Variants in LUZP1 observed in about 807,000 individuals in gnomAD.
LUZP1 encodes leucine zipper protein 1, also known as filamin mechanobinding actin cross-linking protein.
LUZP1 carries 25 observed loss-of-function variants against 71.3 expected under a neutral mutation model. That is an observed-to-expected ratio of 0.35 (90% CI 0.26 to 0.49). The LOEUF (loss-of-function observed/expected upper bound fraction) is 0.49. Among genes scored for constraint, LUZP1 ranks in the 20% least tolerant of loss-of-function variants. The pLI is 0.99. For missense variants in LUZP1, 1,142 were observed against 1,300.8 expected (o/e 0.88, Z 1.88); for synonymous variants, 481 against 506.4 (o/e 0.95, Z 0.67).
At chr1:23,138,763 G>A (rs979944786) in intron 2 of LUZP1, among the ~76,000 whole-genome samples, 11 of 150,160 alleles carry the variant, frequency 7.3e-5, no homozygotes, top group Non-Finnish European at 1.2e-4. Flanking sequence ...AGCACTTTGG[G>A]AGACTGAGTT....
chr1:23,112,625 T>G (rs1281905583), intron 2 of LUZP1, among the ~76,000 whole-genome samples: 1 of 152,184 alleles, frequency 6.6e-6, no homozygotes. Flanking sequence ...AAAAACTATC[T>G]GAAGTGAACA....
At chr1:23,115,050 T>C (rs1478940192) in intron 2 of LUZP1, among the ~76,000 whole-genome samples, 1 of 152,252 alleles carries the variant, frequency 6.6e-6, no homozygotes, top group Non-Finnish European at 1.5e-5. Flanking sequence ...GAGTACCTCA[T>C]GTTATATAAA....
At chr1:23,091,986 A>C (rs753517977) in exon 4 of LUZP1, 1 of 1,614,156 alleles carries the variant, frequency 6.2e-7, no homozygotes. Flanking sequence ...ATCAACAATA[A>C]CAGGTTTGAT....
chr1:23,089,601 CT>C, intron 4 of LUZP1, among the ~76,000 whole-genome samples: 1 of 150,916 alleles, frequency 6.6e-6, no homozygotes, highest in East Asian at 2.0e-4. Context: ...AGAATTCTAC[CT>C]TTTTTTTTGA....
chr1:23,109,572 G>A (rs1367225536), intron 2 of LUZP1: 1 of 152,182 alleles, frequency 6.6e-6, no homozygotes, highest in Admixed American at 6.5e-5. Flanking sequence ...TCCACAAGTG[G>A]AAAATTCCAT....
chr1:23,118,394 T>C (rs1644103386), intron 2 of LUZP1, among the ~76,000 whole-genome samples: 1 of 151,998 alleles, frequency 6.6e-6, no homozygotes, highest in African/African-American at 2.4e-5. Flanking sequence ...CAAGACTCCA[T>C]CTCAAAAAAA....
chr1:23,161,488 A>G (rs2148205623), intron 2 of LUZP1, among the ~76,000 whole-genome samples: 1 of 152,336 alleles, frequency 6.6e-6, no homozygotes, highest in Middle Eastern at 3.4e-3. Context: ...AAATAAGGCC[A>G]GTGGCTCATG....
chr1:23,099,898 G>A (rs756776774), intron 3 of LUZP1, among the ~76,000 whole-genome samples: 35 of 152,180 alleles, frequency 2.3e-4, no homozygotes, highest in African/African-American at 4.8e-4. Flanking sequence ...ATGTGGCCCC[G>A]CCAGCCTCTT....
At chr1:23,166,932 C>A (rs938280168) in intron 2 of LUZP1, among the ~76,000 whole-genome samples, 6 of 152,178 alleles carry the variant, frequency 3.9e-5, no homozygotes, top group Admixed American at 1.3e-4. Flanking sequence ...TCCCAGCTCA[C>A]TATTTCCAGC....
chr1:23,131,911 C>T (rs1243312352), intron 2 of LUZP1, among the ~76,000 whole-genome samples: 2 of 152,192 alleles, frequency 1.3e-5, no homozygotes, highest in Admixed American at 6.5e-5. Flanking sequence ...GTCTCGAACT[C>T]CTGACCTCAG....
rs780937992 is a variant in LUZP1, at chr1:23,092,273, C to G, written c.1989G>C (p.Leu663Phe). The change falls in exon 4 of 5, where the codon TTG becomes TTC. Residue 663 changes from leucine to phenylalanine, a missense_variant. By Grantham distance (22) the Leu-to-Phe change is conservative (BLOSUM62 0). Transcript: ENST00000302291. ...TGGCAGTAACAAGAGATGCTATGTC[C>G]AAGTCATCATCTGAGTCTGGCTTCT... 3 of 1,614,172 alleles carry G rather than the reference C, an allele frequency of 1.9e-6. No homozygotes were observed. In the South Asian group the frequency reaches 3.3e-5, roughly 18 times the overall value.
intron 2 of LUZP1, among the ~76,000 whole-genome samples, chr1:23,127,016 C>A (rs574407657): frequency 1.3e-5 from 2 of 152,326 alleles, no homozygotes; most frequent in African/African-American, 2.4e-5. Flanking sequence ...ACAAAAGCAG[C>A]ACACTGTATA....
At position 23,094,473 on chromosome 1, in the gene LUZP1, G is replaced by C; in HGVS notation, c.-119-93C>G. The C allele has an allele frequency of 1.1e-6, 1 of 906,492 alleles. No homozygotes were observed. The highest frequency in any genetic ancestry group is 3.7e-4 in the Middle Eastern group (1 of 2,722). 56.2% of individuals were successfully genotyped at this position (906,492 alleles called of 1,614,324 possible). On this transcript the variant is annotated intron_variant, in intron 3 of 4. Transcript: ENST00000302291. This position sits in a 1 kb window ranked among gnomAD's most constrained non-coding sequence, Gnocchi z 4.7. ...AGAAAAGTGCTCCTATCTGTTCCTGGTGCCTGGATCATAGCAGGGGCTCAA... is the reference window on the plus strand; with the variant it reads ...AGAAAAGTGCTCCTATCTGTTCCTGCTGCCTGGATCATAGCAGGGGCTCAA...
intron 2 of LUZP1, among the ~76,000 whole-genome samples, chr1:23,139,827 A>G (rs1644288730): frequency 6.6e-6 from 1 of 152,008 alleles, no homozygotes; most frequent in African/African-American, 2.4e-5. Context: ...GCACGTACCT[A>G]TAGACCCAAC....
At chr1:23,108,476 T>C (rs568406404) in intron 3 of LUZP1, among the ~76,000 whole-genome samples, 7 of 152,214 alleles carry the variant, frequency 4.6e-5, no homozygotes, top group Admixed American at 1.3e-4. Flanking sequence ...GGTGCACACC[T>C]GTAGTCCCAG....
At chr1:23,110,359 T>C (rs1412062659) in intron 2 of LUZP1, among the ~76,000 whole-genome samples, 3 of 152,194 alleles carry the variant, frequency 2.0e-5, no homozygotes, top group Non-Finnish European at 4.4e-5. Flanking sequence ...CTACTACAGA[T>C]GGAAGATCTG....
exon 4 of LUZP1, chr1:23,091,517 G>A (rs751726283): frequency 6.2e-7 from 1 of 1,614,162 alleles, no homozygotes; most frequent in East Asian, 2.2e-5. Flanking sequence ...TAACATGTCT[G>A]GCATCTGAGA....
intron 3 of LUZP1, among the ~76,000 whole-genome samples, chr1:23,102,207 T>C (rs1016696402): frequency 6.6e-6 from 1 of 152,182 alleles, no homozygotes; most frequent in African/African-American, 2.4e-5. Context: ...ATGCCACCCC[T>C]ACATTAGTAC....
chr1:23,107,777 C>G (rs1643995707), intron 3 of LUZP1, among the ~76,000 whole-genome samples: 1 of 152,156 alleles, frequency 6.6e-6, no homozygotes, highest in African/African-American at 2.4e-5. Flanking sequence ...CCAGTGCACT[C>G]CAGCCTCGGC....
Sources: allele counts gnomAD v4.1 joint callset (sites outside exome capture counted in the v4.1 genomes callset), GRCh38; gene constraint gnomAD v4.1.1; non-coding constraint Gnocchi (gnomAD v3.1); transcripts MANE v1.5; gene names NCBI Gene and HGNC (gene_info 2026-07-23, HGNC 2026-07-21).